Variants in SLC39A11 observed in about 807,000 individuals in gnomAD.
SLC39A11 encodes solute carrier family 39 member 11.
SLC39A11 carries 33 observed loss-of-function variants against 36.1 expected under a neutral mutation model. That is an observed-to-expected ratio of 0.91 (90% CI 0.69 to 1.22). The LOEUF (loss-of-function observed/expected upper bound fraction) is 1.22, where lower values mean the gene tolerates loss of function less well. SLC39A11 is among the 50% of genes most tolerant of loss of function. The pLI is 0.00. For synonymous variants in SLC39A11, 166 were observed against 170.3 expected (o/e 0.97, Z 0.20); for missense variants, 432 against 430.3 (o/e 1.00, Z -0.03).
Position 72,647,260 on chromosome 17 carries a change from T to G in SLC39A11, c.*324A>C. On this transcript the variant is annotated 3_prime_UTR_variant, in exon 10 of 10. Coordinates refer to ENST00000255559, the MANE Select transcript of SLC39A11 (RefSeq NM_139177.4). ...CGCTTCTATAGGTGACCTTGAGGAG[T>G]TGGGAGGCAGATAGAAGGTCCCGAA... The G allele has an allele frequency of 9.5e-6, 2 of 211,134 alleles. No homozygotes were observed. The highest frequency in any genetic ancestry group is 9.5e-6 in the Non-Finnish European group (1 of 105,082). The allele number at this position is 211,134 out of a possible 1,614,324, so 13.1% of individuals were successfully genotyped here. A position where few individuals can be genotyped will look rare whatever the true frequency, so the allele number is the denominator to read the frequency against.
At chr17:73,077,403 T>G (rs543379536) in intron 3 of SLC39A11, among the ~76,000 whole-genome samples, 216 of 152,334 alleles carry the variant, frequency 1.4e-3, no homozygotes, top group African/African-American at 5.1e-3. Context: ...CTGCAGCCTC[T>G]GCCTCCCAGG....
intron 6 of SLC39A11, among the ~76,000 whole-genome samples, chr17:72,834,680 A>G (rs2078443707): frequency 6.6e-6 from 1 of 151,504 alleles, no homozygotes; most frequent in Non-Finnish European, 1.5e-5. Context: ...GTATTAAACC[A>G]TGTTCTAGCC....
chr17:72,714,127 G>A (rs578016100), intron 7 of SLC39A11, among the ~76,000 whole-genome samples: 46 of 152,258 alleles, frequency 3.0e-4, no homozygotes, highest in South Asian at 8.3e-4. Context: ...AGGCCGAGGC[G>A]GGTGGATGAC....
At chr17:73,033,338 T>C (rs1007007703) in intron 3 of SLC39A11, among the ~76,000 whole-genome samples, 3 of 152,082 alleles carry the variant, frequency 2.0e-5, no homozygotes, top group African/African-American at 7.2e-5. Flanking sequence ...AGCAGGACCA[T>C]AACCAACTCA....
intron 4 of SLC39A11, among the ~76,000 whole-genome samples, chr17:72,953,065 C>T (rs568981376): frequency 6.6e-6 from 1 of 152,260 alleles, no homozygotes; most frequent in East Asian, 1.9e-4. Flanking sequence ...TCCTTCTTCC[C>T]GCATCCCCAC....
intron 6 of SLC39A11, among the ~76,000 whole-genome samples, chr17:72,819,774 C>T (rs748157725): frequency 4.0e-5 from 6 of 151,308 alleles, no homozygotes; most frequent in Non-Finnish European, 8.9e-5. Flanking sequence ...GTTATTATTT[C>T]CATTTTGCAG....
chr17:72,727,843 G>A (rs1173681427), intron 7 of SLC39A11, among the ~76,000 whole-genome samples: 3 of 152,058 alleles, frequency 2.0e-5, no homozygotes, highest in Non-Finnish European at 2.9e-5. Context: ...AGGAAGGTGA[G>A]GAAGTAACGG....
At chr17:72,653,615 T>C (rs1390253756) in intron 7 of SLC39A11, among the ~76,000 whole-genome samples, 1 of 152,012 alleles carries the variant, frequency 6.6e-6, no homozygotes, top group Non-Finnish European at 1.5e-5. Flanking sequence ...AATTTTTGTA[T>C]TTTTAGTAGA....
At chr17:72,962,402 T>G (rs2086671488) in intron 4 of SLC39A11, among the ~76,000 whole-genome samples, 1 of 152,186 alleles carries the variant, frequency 6.6e-6, no homozygotes, top group South Asian at 2.1e-4. Context: ...CAGGGTCCTC[T>G]TCCAAGCATA....
intron 3 of SLC39A11, among the ~76,000 whole-genome samples, chr17:73,050,694 A>C (rs2059467840): frequency 6.6e-6 from 1 of 152,046 alleles, no homozygotes; most frequent in South Asian, 2.1e-4. Context: ...TGAACTCTTG[A>C]CCTCAAGTGA....
intron 6 of SLC39A11, among the ~76,000 whole-genome samples, chr17:72,844,029 C>CAA (rs200582389): frequency 8.1e-5 from 12 of 148,540 alleles, no homozygotes; most frequent in African/African-American, 3.0e-4. Context: ...CAAAAAACTT[C>CAA]AAAAAAAAAA....
chr17:72,912,422 T>C (rs78862302), intron 5 of SLC39A11, among the ~76,000 whole-genome samples: 77,143 of 150,836 alleles, frequency 0.51, 19,685 homozygotes, highest in African/African-American at 0.53. Flanking sequence ...TTTACATTCT[T>C]AGGACAATAT....
chr17:72,791,905 G>C (rs957400047), intron 6 of SLC39A11, among the ~76,000 whole-genome samples: 2 of 152,206 alleles, frequency 1.3e-5, no homozygotes, highest in Non-Finnish European at 2.9e-5. Context: ...GCAGATCTGT[G>C]AGTCAGTTAA....
chr17:73,023,183 C>G lies in SLC39A11; in HGVS notation c.306+8373G>C, dbSNP rs568007357. ...TTCAGAACGCCCAGTGCCCAACTAA[C>G]AGCTGAGCTCCTGCCACTCTACCAT... On this transcript the variant is annotated intron_variant, in intron 4 of 9. Coordinates refer to ENST00000255559, the MANE Select transcript of SLC39A11 (RefSeq NM_139177.4). Among the ~76,000 whole-genome samples the G allele has an allele frequency of 3.7e-4, 56 of 152,088 alleles. 1 individual carries two copies. The highest frequency in any genetic ancestry group is 1.3e-3 in the African/African-American group (55 of 41,466).
At chr17:72,689,333 C>T (rs1054537922) in intron 7 of SLC39A11, among the ~76,000 whole-genome samples, 1 of 152,190 alleles carries the variant, frequency 6.6e-6, no homozygotes, top group Admixed American at 6.5e-5. Context: ...AAGCGTTCAG[C>T]TGGGTCTATG....
intron 2 of SLC39A11, among the ~76,000 whole-genome samples, chr17:73,087,864 T>G (rs955356738): frequency 6.6e-6 from 1 of 151,944 alleles, no homozygotes; most frequent in Non-Finnish European, 1.5e-5. Context: ...TGGAGATGGG[T>G]TGAAAAAAAA....
chr17:72,858,476 C>T (rs11077644), intron 5 of SLC39A11, among the ~76,000 whole-genome samples: 131,634 of 152,220 alleles, frequency 0.86, 57,483 homozygotes, highest in East Asian at 0.99. Context: ...TTTGGTTTCA[C>T]ATGAATTTTA....
intron 7 of SLC39A11, among the ~76,000 whole-genome samples, chr17:72,681,837 T>C (rs1318047233): frequency 6.6e-6 from 1 of 152,196 alleles, no homozygotes; most frequent in East Asian, 1.9e-4. Context: ...TTAATAATAT[T>C]TTCTTTTTTC....
At chr17:72,710,412 G>A (rs1335776285) in intron 7 of SLC39A11, among the ~76,000 whole-genome samples, 1 of 152,208 alleles carries the variant, frequency 6.6e-6, no homozygotes, top group Non-Finnish European at 1.5e-5. Flanking sequence ...TTTTGGGGAA[G>A]TGATTAAGTC....
Sources: allele counts gnomAD v4.1 joint callset (sites outside exome capture counted in the v4.1 genomes callset), GRCh38; gene constraint gnomAD v4.1.1; transcripts MANE v1.5; gene names NCBI Gene and HGNC (gene_info 2026-07-23, HGNC 2026-07-21).